The following PCBP3 variants were observed in gnomAD, a reference collection of about 807,000 sequenced individuals.
PCBP3 encodes poly(rC) binding protein 3, also known as poly(rC)-binding protein 3.
Under a neutral mutation model 52.7 loss-of-function variants are expected in PCBP3, and 25 were observed. That is an observed-to-expected ratio of 0.47 (90% CI 0.35 to 0.66). PCBP3 has a LOEUF of 0.66. Ranked by LOEUF, PCBP3 falls within the 30% of genes least tolerant of loss-of-function variation. The probability of loss-of-function intolerance (pLI) is 0.01; values close to 1 mark genes in which losing one functional copy is unlikely to be tolerated. For missense variants in PCBP3, 391 were observed against 490.3 expected (o/e 0.80, Z 1.91); for synonymous variants, 162 against 183.0 (o/e 0.89, Z 0.93).
chr21:45,898,576 A>ACAGC (rs2095910004), intron 6 of PCBP3, among the ~76,000 whole-genome samples: 1 of 53,302 alleles, frequency 1.9e-5, no homozygotes, highest in Admixed American at 2.5e-4. Flanking sequence ...CGCCATCCTC[A>ACAGC]CAGCCTCCCT....
intron 7 of PCBP3, among the ~76,000 whole-genome samples, 198 bp from the exon 8 acceptor site, chr21:45,900,393 C>G (rs1268716478): frequency 2.0e-5 from 3 of 152,148 alleles, no homozygotes; most frequent in Non-Finnish European, 4.4e-5. Context: ...CCTCAGTTTC[C>G]CATCTGAAAT....
In PCBP3 at chr21:45,859,582, C is replaced by T. The variant is rs185388608; in HGVS notation, c.10+9487C>T. 2.6e-5 allele frequency: 4 copies of T among 152,356 alleles called. No homozygotes were observed. In the East Asian group the frequency reaches 7.7e-4, roughly 29 times the overall value. 9.4% of individuals were successfully genotyped at this position (152,356 alleles called of 1,614,324 possible). A position where few individuals can be genotyped will look rare whatever the true frequency, so the allele number is the denominator to read the frequency against. ...CTCCCTGCCTCTGCTCAGGGAAGGC[C>T]AGTCCTAACACGCGACATCTCCCCT... On this transcript the variant is annotated intron_variant, in intron 5 of 17. Coordinates refer to ENST00000681687, the MANE Select transcript of PCBP3 (RefSeq NM_001384156.1).
chr21:45,715,827 A>G (rs2084180172), intron 2 of PCBP3, among the ~76,000 whole-genome samples: 1 of 152,048 alleles, frequency 6.6e-6, no homozygotes, highest in South Asian at 2.1e-4. Flanking sequence ...CCATTTTTTA[A>G]GTGAGTCATG....
intron 4 of PCBP3, among the ~76,000 whole-genome samples, chr21:45,766,929 ACAGTCTG>A (rs2089391176): frequency 6.6e-6 from 1 of 152,238 alleles, no homozygotes; most frequent in East Asian, 1.9e-4. Context: ...TGGTATCATT[ACAGTCTG>A]TCAGACACTG....
At chr21:45,862,607 CTTCT>C (rs1220689602) in intron 5 of PCBP3, among the ~76,000 whole-genome samples, 2 of 152,262 alleles carry the variant, frequency 1.3e-5, no homozygotes, top group East Asian at 1.9e-4. Context: ...GTTATTTTAG[CTTCT>C]TTCTTTAATA....
rs1374176959 is a variant in PCBP3, at chr21:45,735,278, A to T, written c.-199-114A>T. 6.6e-6 allele frequency: 1 copy of T among 152,132 alleles called. No individual in the cohort carries two copies. The highest frequency in any genetic ancestry group is 1.5e-5 in the Non-Finnish European group (1 of 68,020). 9.4% of individuals were successfully genotyped at this position (152,132 alleles called of 1,614,324 possible). A position where few individuals can be genotyped will look rare whatever the true frequency, so the allele number is the denominator to read the frequency against. On this transcript the variant is annotated intron_variant, in intron 2 of 17. Transcript: ENST00000681687. This position sits in a 1 kb window ranked among gnomAD's most constrained non-coding sequence, Gnocchi z 4.0. ...ATTTATAAACATGTCTTTTTAATAG[A>T]TGACTTTGGTTTGATAAAATTTGGT...
At position 45,930,811 on chromosome 21, in the gene PCBP3, C is replaced by T. The variant is rs773316754; in HGVS notation, c.822C>T (p.Ser274=). The T allele has an allele frequency of 1.9e-5, 30 of 1,549,176 alleles. No individual in the cohort carries two copies. The highest frequency in any genetic ancestry group is 1.7e-4 in the Middle Eastern group (1 of 5,926). Residue 274 remains serine, a synonymous_variant, in exon 15 of 18, where the codon TCC becomes TCT. Transcript: ENST00000681687. The part of the protein sequence containing the change: ...FPGEKLPLHS[S]EEAQNLMGQS... ...GAGAAAAGCTGCCTTTACACTCCTC[C>T]GAAGAAGCTCAAAATCTGATGGGCC... is the stretch of plus-strand genomic sequence containing the variant.
chr21:45,767,365 A>G (rs994747824), intron 4 of PCBP3, among the ~76,000 whole-genome samples: 1 of 152,224 alleles, frequency 6.6e-6, no homozygotes, highest in Non-Finnish European at 1.5e-5. Context: ...TCATCGTAGC[A>G]TGTGTCAGAA....
intron 3 of PCBP3, among the ~76,000 whole-genome samples, chr21:45,739,279 C>T (rs9975395): frequency 8.3e-6 from 1 of 120,136 alleles, no homozygotes; most frequent in Non-Finnish European, 1.8e-5. Context: ...TGGATGGCCC[C>T]CCCATCTTCA....
In PCBP3 at chr21:45,812,418, G is replaced by A. The variant is rs1010093195; in HGVS notation, c.-125-37543G>A. On this transcript the variant is annotated intron_variant, in intron 4 of 17. Transcript: ENST00000681687. ...TTTCCCTTAACATTGTGTTGTTGTC[G>A]TTTTTGAGATGGAGTCTTGCTCTGT... 7.2e-5 allele frequency among the ~76,000 whole-genome samples: 11 copies of A among 152,186 alleles called. No individual in the cohort carries two copies. The East Asian group carries it at 9.7e-4, about 13-fold the overall frequency.
intron 3 of PCBP3, chr21:45,744,146 A>C (rs1038102686): frequency 2.0e-5 from 3 of 151,796 alleles, no homozygotes; most frequent in Non-Finnish European, 4.4e-5. Flanking sequence ...ATGTATGTAT[A>C]TAACATATAT....
chr21:45,704,843 G>A lies in PCBP3; in HGVS notation c.-199-30549G>A, dbSNP rs2083347613. Among the ~76,000 whole-genome samples, 2 of 152,144 alleles carry A rather than the reference G, an allele frequency of 1.3e-5. No individual in the cohort carries two copies. Among genetic ancestry groups the A allele is most frequent in the South Asian group, 4.1e-4 (2 of 4,830 alleles). ...CTAGAGAGTGATGTGATACAGTGCA[G>A]GTAGACGACACAGGGCGCTGCTGTC... is the stretch of plus-strand genomic sequence containing the variant. On this transcript the variant is annotated intron_variant, in intron 2 of 17. Transcript: ENST00000681687. The surrounding 1 kb of genome is among the most constrained non-coding windows in gnomAD (Gnocchi z 4.1).
intron 1 of PCBP3, among the ~76,000 whole-genome samples, chr21:45,650,994 A>T (rs916111488): frequency 6.6e-6 from 1 of 152,138 alleles, no homozygotes; most frequent in African/African-American, 2.4e-5. Context: ...AAATTTTGTC[A>T]ATAATCTTGA....
At chr21:45,699,818 A>G (rs2082999523) in intron 2 of PCBP3, among the ~76,000 whole-genome samples, 1 of 152,176 alleles carries the variant, frequency 6.6e-6, no homozygotes, top group Non-Finnish European at 1.5e-5. Context: ...TGATTCAATT[A>G]TCTCCCACCA....
At chr21:45,774,958 A>G (rs1207839935) in intron 4 of PCBP3, among the ~76,000 whole-genome samples, 2 of 152,168 alleles carry the variant, frequency 1.3e-5, no homozygotes, top group Non-Finnish European at 1.5e-5. Flanking sequence ...CATCAGGGAT[A>G]TTGGCCTGTA....
chr21:45,815,182 A>G (rs1603441962), intron 4 of PCBP3, among the ~76,000 whole-genome samples: 3 of 35,110 alleles, frequency 8.5e-5, no homozygotes, highest in African/African-American at 1.3e-4. Flanking sequence ...GTGAGTGGTG[A>G]GTGAGTGGTG....
At chr21:45,896,852 TGTCTCTGTAGGAAAGGCGGCCGC>T (rs2095845382) in intron 6 of PCBP3, among the ~76,000 whole-genome samples, 1 of 146,614 alleles carries the variant, frequency 6.8e-6, no homozygotes, top group Non-Finnish European at 1.5e-5. Flanking sequence ...CCCGGGCCAT[TGTCTCTGTAGGAAAGGCGGCCGC>T]GGCACATAGA....
At position 45,817,651 on chromosome 21, in the gene PCBP3, G is replaced by T. The variant is rs577912427; in HGVS notation, c.-125-32310G>T. On this transcript the variant is annotated intron_variant, in intron 4 of 17. Coordinates refer to ENST00000681687, the MANE Select transcript of PCBP3 (RefSeq NM_001384156.1). This position sits in a 1 kb window ranked among gnomAD's most constrained non-coding sequence, Gnocchi z 4.3. Reference sequence around the variant, plus strand: ...GAAAGCAGCCGGCGAGGAGCTCAGCGTGTGTCTCCGCCGGGTGAAAGATCA... The same window carrying T: ...GAAAGCAGCCGGCGAGGAGCTCAGCTTGTGTCTCCGCCGGGTGAAAGATCA... Among the ~76,000 whole-genome samples the T allele has an allele frequency of 1.1e-4, 17 of 147,904 alleles. No individual in the cohort carries two copies. Among genetic ancestry groups the T allele is most frequent in the Non-Finnish European group, 2.4e-4 (16 of 68,022 alleles).
At chr21:45,882,839 G>A (rs1465736890) in intron 5 of PCBP3, among the ~76,000 whole-genome samples, 1 of 152,142 alleles carries the variant, frequency 6.6e-6, no homozygotes, top group Non-Finnish European at 1.5e-5. Flanking sequence ...CTGCAGCTGC[G>A]GGGTTTCCTG....
Sources: gnomAD v4.1 joint callset for allele counts (sites outside exome capture counted in the v4.1 genomes callset) on GRCh38, gnomAD v4.1.1 for gene constraint, Gnocchi (gnomAD v3.1) non-coding constraint, MANE v1.5 for transcripts, NCBI Gene and HGNC (gene_info 2026-07-23, HGNC 2026-07-21) for gene names.